The following AUTS2 variants were observed in gnomAD, a reference collection of about 807,000 sequenced individuals.
AUTS2 encodes activator of transcription and developmental regulator AUTS2.
In AUTS2, 17 loss-of-function variants were observed where a neutral mutation model predicts 112.4. The observed-to-expected ratio is 0.15, with a 90% CI of 0.10 to 0.23. The LOEUF (loss-of-function observed/expected upper bound fraction) is 0.23. Among genes scored for constraint, AUTS2 ranks in the 10% least tolerant of loss-of-function variants. The probability of loss-of-function intolerance (pLI) is 1.00; values close to 1 mark genes in which losing one functional copy is unlikely to be tolerated. For synonymous variants in AUTS2, 751 were observed against 702.7 expected (o/e 1.07, Z -1.09); for missense variants, 1,510 against 1,701.6 (o/e 0.89, Z 1.98).
chr7:69,917,355 A>T, intron 2 of AUTS2, among the ~76,000 whole-genome samples: 1 of 133,230 alleles, frequency 7.5e-6, no homozygotes, highest in Non-Finnish European at 1.5e-5. Flanking sequence ...TCTATTTTCT[A>T]TAATGTCTTC....
intron 4 of AUTS2, among the ~76,000 whole-genome samples, chr7:70,389,394 A>G (rs1452062339): frequency 1.3e-5 from 2 of 152,186 alleles, no homozygotes; most frequent in African/African-American, 4.8e-5. Flanking sequence ...CCATCATCAC[A>G]TGTAGCCGGC....
chr7:70,773,477 A>G (rs1790490949), intron 11 of AUTS2, among the ~76,000 whole-genome samples: 1 of 152,242 alleles, frequency 6.6e-6, no homozygotes, highest in Non-Finnish European at 1.5e-5. Context: ...GCAGATCCGC[A>G]AGGTCCCTAA....
intron 4 of AUTS2, among the ~76,000 whole-genome samples, chr7:70,251,789 A>AT (rs1280956545): frequency 2.0e-5 from 3 of 151,932 alleles, no homozygotes; most frequent in Non-Finnish European, 4.4e-5. Context: ...TGTTTTTATA[A>AT]TTTTTTTAAA....
chr7:69,951,440 C>T (rs1797022645), intron 2 of AUTS2, among the ~76,000 whole-genome samples: 1 of 152,074 alleles, frequency 6.6e-6, no homozygotes, highest in Non-Finnish European at 1.5e-5. Context: ...CAGGCAGAGT[C>T]CATGCTACCT....
intron 5 of AUTS2, among the ~76,000 whole-genome samples, chr7:70,470,913 C>A (rs1030296803): frequency 1.3e-5 from 2 of 152,100 alleles, no homozygotes; most frequent in East Asian, 3.9e-4. Flanking sequence ...TTTCAGCCTG[C>A]GAACTTCCTG....
At chr7:70,150,276 T>C (rs2042799153) in intron 4 of AUTS2, among the ~76,000 whole-genome samples, 1 of 152,192 alleles carries the variant, frequency 6.6e-6, no homozygotes, top group Non-Finnish European at 1.5e-5. Flanking sequence ...TTAGAGACTT[T>C]ATAATCTCAT....
chr7:70,571,616 T>G (rs1343671423), intron 5 of AUTS2, among the ~76,000 whole-genome samples: 1 of 152,214 alleles, frequency 6.6e-6, no homozygotes, highest in African/African-American at 2.4e-5. Flanking sequence ...TCTCACATTC[T>G]CAGCTTCCTG....
At chr7:70,219,439 A>G (rs951758264) in intron 4 of AUTS2, among the ~76,000 whole-genome samples, 6 of 152,228 alleles carry the variant, frequency 3.9e-5, no homozygotes, top group Admixed American at 3.3e-4. Context: ...CAAAAAAAAA[A>G]TTATTTCAGA....
chr7:70,040,937 A>G (rs1478079250), intron 2 of AUTS2, among the ~76,000 whole-genome samples: 1 of 152,228 alleles, frequency 6.6e-6, no homozygotes. Context: ...CATCCAGTAG[A>G]TATCTATACT....
intron 5 of AUTS2, among the ~76,000 whole-genome samples, chr7:70,575,305 A>G (rs1802113472): frequency 6.6e-6 from 1 of 150,630 alleles, no homozygotes; most frequent in Non-Finnish European, 1.5e-5. Context: ...GAGCAGGCAC[A>G]TGGGGCACCC....
chr7:70,450,599 G>T (rs1365772810), intron 5 of AUTS2, among the ~76,000 whole-genome samples: 2 of 152,214 alleles, frequency 1.3e-5, no homozygotes, highest in Non-Finnish European at 2.9e-5. Context: ...ATAAAAACAG[G>T]CCTTGCACGG....
chr7:70,440,231 A>AG (rs1796070796), intron 5 of AUTS2, among the ~76,000 whole-genome samples: 1 of 151,290 alleles, frequency 6.6e-6, no homozygotes, highest in Admixed American at 6.6e-5. Flanking sequence ...GTCTCTAAAA[A>AG]AAAAAAAAAA....
chr7:70,643,266 G>C (rs1459256793), intron 5 of AUTS2, among the ~76,000 whole-genome samples: 1 of 152,184 alleles, frequency 6.6e-6, no homozygotes, highest in African/African-American at 2.4e-5. Flanking sequence ...TGTGGACACG[G>C]AACATTAAAA....
intron 5 of AUTS2, among the ~76,000 whole-genome samples, chr7:70,691,874 AT>A (rs34314079): frequency 2.9e-3 from 382 of 131,784 alleles, no homozygotes; most frequent in Middle Eastern, 8.5e-3. Flanking sequence ...ATTGATGACA[AT>A]TTTTTTTTTT....
intron 18 of AUTS2, 144 bp downstream of exon 18, chr7:70,787,575 C>T (rs1202030534): frequency 1.3e-5 from 8 of 620,622 alleles, no homozygotes; most frequent in South Asian, 2.0e-5. Context: ...AGCCAGTGCC[C>T]GCAGCCCCTC....
At chr7:70,415,165 C>T (rs1794937770) in intron 4 of AUTS2, among the ~76,000 whole-genome samples, 1 of 152,200 alleles carries the variant, frequency 6.6e-6, no homozygotes, top group Non-Finnish European at 1.5e-5. Context: ...CTCTGGCCTT[C>T]GTAGGTCTTT....
chr7:70,551,521 C>T (rs1021442604), intron 5 of AUTS2, among the ~76,000 whole-genome samples: 3 of 152,132 alleles, frequency 2.0e-5, no homozygotes, highest in Admixed American at 6.5e-5. Context: ...AGTAGGGGGG[C>T]ATTCCTATAG....
intron 6 of AUTS2, among the ~76,000 whole-genome samples, chr7:70,758,041 C>G (rs1426130463): frequency 6.6e-6 from 1 of 152,038 alleles, no homozygotes; most frequent in African/African-American, 2.4e-5. Flanking sequence ...CTCGGCCTCC[C>G]AAAGTGCTAG....
intron 1 of AUTS2, among the ~76,000 whole-genome samples, chr7:69,822,824 T>G (rs1441738376): frequency 6.6e-6 from 1 of 152,178 alleles, no homozygotes; most frequent in Non-Finnish European, 1.5e-5. Context: ...CCTGATCCCA[T>G]GAGATCATAC....
Sources: allele counts gnomAD v4.1 joint callset (sites outside exome capture counted in the v4.1 genomes callset), GRCh38; gene constraint gnomAD v4.1.1; transcripts MANE v1.5; gene names NCBI Gene and HGNC (gene_info 2026-07-23, HGNC 2026-07-21).